The following RUNX2 variants were observed in gnomAD, a reference collection of about 807,000 sequenced individuals.
The protein encoded by RUNX2 is RUNX family transcription factor 2.
RUNX2 carries 10 observed loss-of-function variants against 51.7 expected under a neutral mutation model. The observed-to-expected ratio is 0.19, with a 90% CI of 0.12 to 0.33. The LOEUF (loss-of-function observed/expected upper bound fraction) is 0.33, where lower values mean the gene tolerates loss of function less well. RUNX2 is among the 10% of genes least tolerant of loss of function. The pLI, the probability that RUNX2 is intolerant of heterozygous loss-of-function variation, is 1.00. For synonymous variants in RUNX2, 276 were observed against 273.6 expected, an observed-to-expected ratio of 1.01 and a Z score of -0.09; for missense variants, 562 against 691.3, an observed-to-expected ratio of 0.81 and a Z score of 2.10.
intron 7 of RUNX2, among the ~76,000 whole-genome samples, chr6:45,539,579 G>A (rs1349862236): frequency 2.0e-5 from 3 of 152,204 alleles, no homozygotes; most frequent in Admixed American, 2.0e-4. Context: ...TGTGAGGGGA[G>A]AAATTCAGGG....
chr6:45,483,476 A>G (rs1287530238), intron 5 of RUNX2, among the ~76,000 whole-genome samples: 1 of 152,120 alleles, frequency 6.6e-6, no homozygotes, highest in Non-Finnish European at 1.5e-5. Context: ...CTAGGCTCCA[A>G]GTTTGTGCTA....
At chr6:45,463,738 C>T (rs192334921) in intron 5 of RUNX2, among the ~76,000 whole-genome samples, 21 of 152,186 alleles carry the variant, frequency 1.4e-4, no homozygotes, top group African/African-American at 4.8e-4. Flanking sequence ...TATTCTGGGT[C>T]AGCTTTGAGA....
chr6:45,346,948 G>A (rs575521970), intron 2 of RUNX2, among the ~76,000 whole-genome samples: 20 of 152,264 alleles, frequency 1.3e-4, no homozygotes, highest in African/African-American at 4.6e-4. Flanking sequence ...CAAAAAGTAG[G>A]AGGACTTAGC....
chr6:45,430,138 CTT>C (rs1170070622), intron 3 of RUNX2, among the ~76,000 whole-genome samples: 1 of 151,872 alleles, frequency 6.6e-6, no homozygotes, highest in African/African-American at 2.4e-5. Flanking sequence ...GTGCTGGACA[CTT>C]TTGGGAGCAG....
At chr6:45,489,583 C>T (rs183378946) in intron 5 of RUNX2, among the ~76,000 whole-genome samples, 1 of 152,224 alleles carries the variant, frequency 6.6e-6, no homozygotes, top group Non-Finnish European at 1.5e-5. Context: ...CCTCAGGGAA[C>T]CTGCCATTCC....
intron 5 of RUNX2, among the ~76,000 whole-genome samples, chr6:45,477,021 T>C (rs1447188751): frequency 1.3e-5 from 2 of 152,098 alleles, no homozygotes; most frequent in African/African-American, 4.8e-5. Context: ...GAGTTATCCT[T>C]TTTACCATTG....
intron 2 of RUNX2, among the ~76,000 whole-genome samples, chr6:45,348,907 C>T (rs1791471262): frequency 6.6e-6 from 1 of 152,122 alleles, no homozygotes; most frequent in Admixed American, 6.6e-5. Context: ...GTATCCTGTA[C>T]ATTTTCCTTC....
intron 2 of RUNX2, among the ~76,000 whole-genome samples, chr6:45,411,401 G>T (rs1326408536): frequency 6.6e-6 from 1 of 151,914 alleles, no homozygotes; most frequent in African/African-American, 2.4e-5. Context: ...CTGACAATAA[G>T]AAACATTCTA....
intron 5 of RUNX2, among the ~76,000 whole-genome samples, chr6:45,476,709 G>A (rs1582152235): frequency 6.6e-6 from 1 of 152,098 alleles, no homozygotes; most frequent in Non-Finnish European, 1.5e-5. Context: ...TTTATACTGC[G>A]ACCTGGTATA....
chr6:45,499,837 A>T (rs1480258661), intron 6 of RUNX2, among the ~76,000 whole-genome samples: 1 of 152,174 alleles, frequency 6.6e-6, no homozygotes, highest in African/African-American at 2.4e-5. Context: ...CTCCATGCAG[A>T]GGAAGTCTTG....
Position 45,328,667 on chromosome 6 carries a change from G to A in RUNX2, c.-60G>A. Reference sequence around the variant, plus strand: ...GTATGGTTTGTATTTTCAGTTTAAGGCTGCAAGCAGTATTTACAACAGAGG... The same window carrying A: ...GTATGGTTTGTATTTTCAGTTTAAGACTGCAAGCAGTATTTACAACAGAGG... On this transcript the variant is annotated 5_prime_UTR_variant, in exon 2 of 9. Coordinates refer to ENST00000647337, the MANE Select transcript of RUNX2 (RefSeq NM_001024630.4). The A allele has an allele frequency of 6.2e-7, 1 of 1,611,272 alleles. No homozygotes were observed. The highest frequency in any genetic ancestry group is 1.7e-5 in the Admixed American group (1 of 59,786).
intron 6 of RUNX2, among the ~76,000 whole-genome samples, chr6:45,501,450 G>A (rs1354411829): frequency 6.6e-6 from 1 of 152,050 alleles, no homozygotes; most frequent in African/African-American, 2.4e-5. Context: ...TGTTGTGTTG[G>A]GTTATTCCTC....
intron 5 of RUNX2, among the ~76,000 whole-genome samples, chr6:45,477,098 C>T (rs1190159615): frequency 1.3e-5 from 2 of 152,190 alleles, no homozygotes; most frequent in African/African-American, 4.8e-5. Context: ...CCCTGGGTCC[C>T]TGAAGCAGCA....
At chr6:45,340,992 C>G (rs1789660790) in intron 2 of RUNX2, among the ~76,000 whole-genome samples, 1 of 152,136 alleles carries the variant, frequency 6.6e-6, no homozygotes, top group Admixed American at 6.5e-5. Flanking sequence ...TAAGCTTTAA[C>G]TTCTAATTAT....
intron 5 of RUNX2, among the ~76,000 whole-genome samples, chr6:45,440,475 C>T (rs1226261474): frequency 6.6e-6 from 1 of 152,148 alleles, no homozygotes; most frequent in Non-Finnish European, 1.5e-5. Flanking sequence ...CTACGGAGTG[C>T]CAGATAGCAA....
chr6:45,447,032 G>C (rs562254537), intron 5 of RUNX2, among the ~76,000 whole-genome samples: 1 of 152,194 alleles, frequency 6.6e-6, no homozygotes, highest in Non-Finnish European at 1.5e-5. Context: ...TAAAATTTAG[G>C]TTTAAGGCTT....
chr6:45,547,103 A>G lies in RUNX2; in HGVS notation c.1364A>G (p.Gln455Arg). ...LYYGTSSGSY[Q>R]FPMVPGGDRS... ...TATGGCACTTCGTCAGGATCCTATC[A>G]GTTTCCCATGGTGCCGGGGGGAGAC... Residue 455 changes from glutamine (Q) to arginine (R), a missense_variant, in exon 9 of 9, where the codon CAG becomes CGG. By Grantham distance (43) the Gln-to-Arg change is conservative. Coordinates refer to ENST00000647337, the MANE Select transcript of RUNX2 (RefSeq NM_001024630.4). 1.2e-6 allele frequency: 2 copies of G among 1,614,096 alleles called. No homozygotes were observed. The highest frequency in any genetic ancestry group is 1.7e-6 in the Non-Finnish European group (2 of 1,180,018).
At chr6:45,465,139 T>C (rs1054945399) in intron 5 of RUNX2, among the ~76,000 whole-genome samples, 1 of 152,242 alleles carries the variant, frequency 6.6e-6, no homozygotes, top group Non-Finnish European at 1.5e-5. Flanking sequence ...AGTATGCTTC[T>C]GAAATAAGGT....
intron 5 of RUNX2, among the ~76,000 whole-genome samples, chr6:45,469,291 G>C (rs138098253): frequency 6.6e-6 from 1 of 152,238 alleles, no homozygotes; most frequent in African/African-American, 2.4e-5. Context: ...GGTGCCCAGT[G>C]AATGTTTATC....
Sources: gnomAD v4.1 joint callset for allele counts (sites outside exome capture counted in the v4.1 genomes callset) on GRCh38, gnomAD v4.1.1 for gene constraint, MANE v1.5 for transcripts, NCBI Gene and HGNC (gene_info 2026-07-23, HGNC 2026-07-21) for gene names.